TMEM196: variants seen among roughly 807,000 people sequenced by gnomAD.
TMEM196 encodes the protein transmembrane protein 196.
Under a neutral mutation model 20.0 loss-of-function variants are expected in TMEM196, and 17 were observed. The ratio of observed to expected loss-of-function variants is 0.85; its 90% CI spans 0.58 to 1.27. TMEM196 has a LOEUF of 1.27. Ranked by LOEUF, TMEM196 falls within the 50% of genes most tolerant of loss-of-function variation. The probability of loss-of-function intolerance (pLI) is 0.00; values close to 1 mark genes in which losing one functional copy is unlikely to be tolerated. For missense variants in TMEM196, 267 were observed against 223.0 expected, an observed-to-expected ratio of 1.20 and a Z score of -1.26; for synonymous variants, 113 against 88.9, an observed-to-expected ratio of 1.27 and a Z score of -1.52.
intron 1 of TMEM196, among the ~76,000 whole-genome samples, chr7:19,768,924 A>G (rs1785747579): frequency 6.6e-6 from 1 of 152,058 alleles, no homozygotes; most frequent in Non-Finnish European, 1.5e-5. Context: ...AGGTTTTTGT[A>G]TTTCCATATT....
rs1234964284 is a variant in TMEM196, at chr7:19,719,884, T to A, written c.*2244A>T. The A allele has an allele frequency of 5.3e-5, 8 of 152,108 alleles. No individual in the cohort carries two copies. Among genetic ancestry groups the A allele is most frequent in the African/African-American group, 1.9e-4 (8 of 41,460 alleles). The allele number at this position is 152,108 out of a possible 1,614,324, so 9.4% of individuals were successfully genotyped here. On this transcript the variant is annotated 3_prime_UTR_variant, in exon 5 of 5. Transcript: ENST00000405844. ...TTTTAACTATACATCAAAGCAGTGATATGTCTCCTTTTGTCCTTTAATGTG... is the reference window on the plus strand; with the variant it reads ...TTTTAACTATACATCAAAGCAGTGAAATGTCTCCTTTTGTCCTTTAATGTG...
rs1212671844 is a variant in TMEM196, at chr7:19,736,374, T to C, written c.148-6936A>G. ...CCTACTATATATATATATATATATA[T>C]ATATATATATATATATATATATATA... On this transcript the variant is annotated intron_variant, in intron 1 of 4. Coordinates refer to ENST00000405844, the MANE Select transcript of TMEM196 (RefSeq NM_001363562.2). 1.0e-3 allele frequency among the ~76,000 whole-genome samples: 52 copies of C among 51,088 alleles called. 1 individual carries two copies. The highest frequency in any genetic ancestry group is 5.3e-3 in the African/African-American group (46 of 8,624). 33.5% of individuals were successfully genotyped at this position (51,088 alleles called of 152,430 possible).
chr7:19,755,856 C>G (rs1285474775), intron 1 of TMEM196, among the ~76,000 whole-genome samples: 2 of 152,076 alleles, frequency 1.3e-5, no homozygotes, highest in Non-Finnish European at 1.5e-5. Flanking sequence ...TGGCAAAACC[C>G]TGTCTCCACT....
chr7:19,769,380 A>T (rs1381187861), intron 1 of TMEM196, among the ~76,000 whole-genome samples: 1 of 152,102 alleles, frequency 6.6e-6, no homozygotes, highest in Non-Finnish European at 1.5e-5. Context: ...ACTGGCACAC[A>T]GTCTCCTATG....
At chr7:19,758,580 G>T (rs1785308046) in intron 1 of TMEM196, among the ~76,000 whole-genome samples, 1 of 152,054 alleles carries the variant, frequency 6.6e-6, no homozygotes, top group Non-Finnish European at 1.5e-5. Flanking sequence ...CTGATTCTCT[G>T]GACTTTAGTT....
rs1783774454 is a variant in TMEM196 at position 19,720,387 on chromosome 7, T to C, written c.*1741A>G. ...AATTTTCATTAACTTGAATGATCAT[T>C]ACTGTGTTAGCACAATTAAAACTCA... On this transcript the variant is annotated 3_prime_UTR_variant, in exon 5 of 5. Transcript: ENST00000405844. The C allele has an allele frequency of 6.6e-6, 1 of 152,042 alleles. No homozygotes were observed. The highest frequency in any genetic ancestry group is 1.5e-5 in the Non-Finnish European group (1 of 67,904). The allele number at this position is 152,042 out of a possible 1,614,324, so 9.4% of individuals were successfully genotyped here.
intron 4 of TMEM196, among the ~76,000 whole-genome samples, 176 bp downstream of exon 4, chr7:19,724,104 C>T (rs1245396719): frequency 6.6e-6 from 1 of 152,102 alleles, no homozygotes; most frequent in East Asian, 1.9e-4. Flanking sequence ...CTGCAAGACT[C>T]GGCCATGTAG....
chr7:19,748,436 G>A (rs1186392765), intron 1 of TMEM196, among the ~76,000 whole-genome samples: 3 of 152,128 alleles, frequency 2.0e-5, no homozygotes. Flanking sequence ...CACACAACCA[G>A]TCCATTTTAT....
At position 19,772,569 on chromosome 7, in the gene TMEM196, T is replaced by A; in HGVS notation, c.128A>T (p.Gln43Leu). 1.3e-6 allele frequency: 2 copies of A among 1,544,704 alleles called. No individual in the cohort carries two copies. Among genetic ancestry groups the A allele is most frequent in the Non-Finnish European group, 1.7e-6 (2 of 1,144,802 alleles). The change falls in exon 1 of 5, where the codon CAG (glutamine) becomes CTG (leucine). Residue 43 changes from glutamine (Q) to leucine (L), a missense_variant. Physicochemically the swap from Gln to Leu is moderately radical, Grantham distance 113. Coordinates refer to ENST00000405844, the MANE Select transcript of TMEM196 (RefSeq NM_001363562.2). ...CCATACCGGGGACGAGTCTCCGAGC[T>A]GCGGCTTGTGCTCTCGGAGGGCCAG... ...FSLALREHKP[Q>L]LGDSSPFLLC...
intron 1 of TMEM196, among the ~76,000 whole-genome samples, chr7:19,749,640 C>A (rs1400415663): frequency 6.6e-6 from 1 of 152,144 alleles, no homozygotes; most frequent in African/African-American, 2.4e-5. Flanking sequence ...TATCCATCAT[C>A]TCTTTCAATG....
rs1431131190 is a variant in TMEM196 at position 19,772,551 on chromosome 7, G to C, written c.146C>G (p.Pro49Arg). ...ACGTACACACACCCCGCTCCATACC[G>C]GGGACGAGTCTCCGAGCTGCGGCTT... ...EHKPQLGDSS[P>R]FLLCGICGIL... Residue 49 changes from proline (P) to arginine (R), a missense_variant and splice_region_variant, in exon 1 of 5, where the codon CCG (proline) becomes CGG (arginine). Pro to Arg is a moderately radical substitution (Grantham distance 103). Coordinates refer to ENST00000405844, the MANE Select transcript of TMEM196 (RefSeq NM_001363562.2). 6.5e-7 allele frequency: 1 copy of C among 1,541,656 alleles called. No homozygotes were observed. The highest frequency in any genetic ancestry group is 8.7e-7 in the Non-Finnish European group (1 of 1,143,294).
At position 19,772,966 on chromosome 7, in the gene TMEM196, C is replaced by T. The variant is rs920990414; in HGVS notation, c.-270G>A. The stretch of plus-strand genomic sequence containing the variant: ...TGGGTTCGGTGGTGCGAAGATTGCA[C>T]ACCGGTACCGGGGCTTTTAAGCAGC... On this transcript the variant is annotated 5_prime_UTR_variant, in exon 1 of 5. It adds an upstream start codon to the 5' untranslated region. Transcript: ENST00000405844. The T allele has an allele frequency of 6.3e-6, 2 of 316,402 alleles. No individual in the cohort carries two copies. Among genetic ancestry groups the T allele is most frequent in the African/African-American group, 4.3e-5 (2 of 46,890 alleles). 19.6% of individuals were successfully genotyped at this position (316,402 alleles called of 1,614,324 possible).
Position 19,721,627 on chromosome 7 carries a change from C to T in TMEM196, c.*501G>A, listed in dbSNP as rs373827065. 3.3e-5 allele frequency: 5 copies of T among 152,234 alleles called. No individual in the cohort carries two copies. Among genetic ancestry groups the T allele is most frequent in the African/African-American group, 1.2e-4 (5 of 41,412 alleles). The allele number at this position is 152,234 out of a possible 1,614,324, so 9.4% of individuals were successfully genotyped here. A position where few individuals can be genotyped will look rare whatever the true frequency, so the allele number is the denominator to read the frequency against. On this transcript the variant is annotated 3_prime_UTR_variant, in exon 5 of 5. Transcript: ENST00000405844. ...ACAATGTTTTTATAACAAGGCATTA[C>T]TGAGGTTTTGAATTGTAGCATCCTT...
chr7:19,740,764 T>C (rs1370875647), intron 1 of TMEM196, among the ~76,000 whole-genome samples: 1 of 152,080 alleles, frequency 6.6e-6, no homozygotes, highest in African/African-American at 2.4e-5. Flanking sequence ...GTTTTGCATG[T>C]GGAATTGAAA....
chr7:19,753,283 A>G (rs959233174), intron 1 of TMEM196, among the ~76,000 whole-genome samples: 8 of 152,164 alleles, frequency 5.3e-5, no homozygotes, highest in Non-Finnish European at 1.0e-4. Context: ...AGAGAAGTCT[A>G]TTTTTTATTC....
intron 1 of TMEM196, among the ~76,000 whole-genome samples, chr7:19,757,960 A>G (rs1785282658): frequency 7.0e-6 from 1 of 141,938 alleles, no homozygotes; most frequent in East Asian, 2.3e-4. Context: ...ATTTTTATAT[A>G]TATACTTTTT....
chr7:19,732,475 A>G (rs1460630966), intron 1 of TMEM196, among the ~76,000 whole-genome samples: 6 of 151,310 alleles, frequency 4.0e-5, no homozygotes, highest in Non-Finnish European at 5.9e-5. Flanking sequence ...CTGGAGGGGG[A>G]GGCAGCAGAA....
intron 1 of TMEM196, among the ~76,000 whole-genome samples, chr7:19,733,522 G>T (rs1036668080): frequency 3.9e-5 from 6 of 152,094 alleles, no homozygotes; most frequent in African/African-American, 1.4e-4. Flanking sequence ...GTAAAGCCCT[G>T]CTCCTTCCCT....
intron 1 of TMEM196, among the ~76,000 whole-genome samples, chr7:19,736,439 G>C (rs904801115): frequency 3.0e-5 from 4 of 133,718 alleles, no homozygotes; most frequent in African/African-American, 1.1e-4. Flanking sequence ...TATCAAGTTG[G>C]AAAGCTTGCC....
Sources: gnomAD v4.1 joint callset for allele counts (sites outside exome capture counted in the v4.1 genomes callset) on GRCh38, gnomAD v4.1.1 for gene constraint, MANE v1.5 for transcripts, NCBI Gene and HGNC (gene_info 2026-07-23, HGNC 2026-07-21) for gene names.